Variants in GRM4 observed in about 807,000 individuals in gnomAD.
The protein encoded by GRM4 is metabotropic glutamate receptor 4.
In GRM4, 28 loss-of-function variants were observed where a neutral mutation model predicts 81.7. The observed-to-expected ratio is 0.34, with a 90% confidence interval of 0.25 to 0.47. GRM4 has a LOEUF of 0.47. GRM4 is among the 20% of genes least tolerant of loss of function. The probability of loss-of-function intolerance (pLI) is 1.00; values close to 1 mark genes in which losing one functional copy is unlikely to be tolerated. For synonymous variants in GRM4, 488 were observed against 528.8 expected (o/e 0.92, Z 1.06); for missense variants, 948 against 1,290.0 (o/e 0.73, Z 4.06).
chr6:34,155,181 C>T lies in GRM4; in HGVS notation c.210G>A (p.Val70=), dbSNP rs533890299. ...CCTCGGATTCGTGCGCGGCCAGGCT[C>T]ACCTGCTCTCCTGGCAGGGAGGGGC... is the stretch of plus-strand genomic sequence containing the variant. Residue 70 remains valine, a synonymous_variant, in exon 1 of 9, where the codon GTG becomes GTA. Transcript: ENST00000374177. 126 of 1,535,656 alleles carry T rather than the reference C, an allele frequency of 8.2e-5. 4 individuals carry two copies. In the South Asian group the frequency reaches 1.3e-3, roughly 16 times the overall value.
Position 34,042,326 on chromosome 6 carries a change from C to G in GRM4, c.1169-1578G>C, listed in dbSNP as rs1405257289. The stretch of plus-strand genomic sequence containing the variant: ...AGTAACATTCCACGACTATGAAAAG[C>G]TGATGTGAACCCAGGTACTCCAACT... On this transcript the variant is annotated intron_variant, in intron 6 of 10. Transcript: ENST00000538487. The surrounding 1 kb of genome is among the most constrained non-coding windows in gnomAD (Gnocchi z 4.2). 6.6e-6 allele frequency among the ~76,000 whole-genome samples: 1 copy of G among 152,164 alleles called. No homozygotes were observed. Among genetic ancestry groups the G allele is most frequent in the East Asian group, 1.9e-4 (1 of 5,188 alleles).
intron 9 of GRM4, among the ~76,000 whole-genome samples, chr6:34,029,037 C>T (rs1177517431): frequency 6.6e-6 from 1 of 152,204 alleles, no homozygotes; most frequent in Admixed American, 6.5e-5. Flanking sequence ...ATCTGGGTGT[C>T]GGATAATCCA....
chr6:34,096,823 C>T (rs1581691281), intron 2 of GRM4, among the ~76,000 whole-genome samples: 1 of 152,210 alleles, frequency 6.6e-6, no homozygotes, highest in Non-Finnish European at 1.5e-5. Context: ...TCTCTGGCTT[C>T]TAGAGTGACA....
chr6:34,131,144 C>T (rs956280453), intron 2 of GRM4, among the ~76,000 whole-genome samples: 4 of 152,238 alleles, frequency 2.6e-5, no homozygotes, highest in African/African-American at 7.2e-5. Flanking sequence ...AAACTGGGTG[C>T]GGTGGGAGGA....
At chr6:34,071,824 CAG>C (rs1766889291) in intron 3 of GRM4, among the ~76,000 whole-genome samples, 1 of 142,550 alleles carries the variant, frequency 7.0e-6, no homozygotes, top group African/African-American at 2.5e-5. Flanking sequence ...ACACCACACA[CAG>C]ACAGCACCAC....
intron 8 of GRM4, among the ~76,000 whole-genome samples, chr6:34,039,543 C>T (rs1764893369): frequency 6.6e-6 from 1 of 152,224 alleles, no homozygotes; most frequent in Admixed American, 6.5e-5. Flanking sequence ...TCTCCGAAAA[C>T]ACTGCTCTGT....
rs567729250 is a variant in GRM4 at position 34,034,498 on chromosome 6, T to C, written c.2442+1170A>G. Among the ~76,000 whole-genome samples, 18 of 152,320 alleles carry C rather than the reference T, an allele frequency of 1.2e-4. No homozygotes were observed. In the South Asian group the frequency reaches 3.5e-3, roughly 30 times the overall value. ...AGGGTCCTTTTCAACCTACATCAGA[T>C]AGCACCCTCACCTGCTCAGAAGCCT... On this transcript the variant is annotated intron_variant, in intron 9 of 10. Transcript: ENST00000538487. This position sits in a 1 kb window ranked among gnomAD's most constrained non-coding sequence, Gnocchi z 4.0.
Position 34,113,403 on chromosome 6 carries a change from C to T in GRM4, c.519+19575G>A, listed in dbSNP as rs547865645. Among the ~76,000 whole-genome samples the T allele has an allele frequency of 1.7e-3, 264 of 152,338 alleles. 1 individual carries two copies. The highest frequency in any genetic ancestry group is 6.9e-3 in the South Asian group (33 of 4,816). On this transcript the variant is annotated intron_variant, in intron 2 of 10. Transcript: ENST00000538487. The stretch of plus-strand genomic sequence containing the variant: ...CTGGGCTCAAGTGATTCTCCCACCT[C>T]GGGATTACAGGCCTGAGCCACCATG...
rs1429060255 is a variant in GRM4, at chr6:34,115,732, G to A, written c.519+17246C>T. Among the ~76,000 whole-genome samples the A allele has an allele frequency of 1.3e-5, 2 of 152,152 alleles. No individual in the cohort carries two copies. Among genetic ancestry groups the A allele is most frequent in the Non-Finnish European group, 2.9e-5 (2 of 68,028 alleles). ...AGCCCTCCCTAAATAACTGTGCAGC[G>A]CGAGGCTGGAGGAGGAGTTCGAGGT... is the stretch of plus-strand genomic sequence containing the variant. On this transcript the variant is annotated intron_variant, in intron 2 of 10. Transcript: ENST00000538487. This position sits in a 1 kb window ranked among gnomAD's most constrained non-coding sequence, Gnocchi z 4.1.
At chr6:34,109,295 A>T (rs1769266829) in intron 2 of GRM4, among the ~76,000 whole-genome samples, 1 of 152,196 alleles carries the variant, frequency 6.6e-6, no homozygotes, top group South Asian at 2.1e-4. Flanking sequence ...CCACTCTGAG[A>T]GGGAAGCCCC....
In GRM4 at chr6:34,078,322, C is replaced by G. The variant is rs899533736; in HGVS notation, c.736+13561G>C. 2.0e-5 allele frequency among the ~76,000 whole-genome samples: 3 copies of G among 152,140 alleles called. No individual in the cohort carries two copies. Among genetic ancestry groups the G allele is most frequent in the Admixed American group, 1.3e-4 (2 of 15,276 alleles). On this transcript the variant is annotated intron_variant, in intron 3 of 10. Transcript: ENST00000538487. The surrounding 1 kb of genome is among the most constrained non-coding windows in gnomAD (Gnocchi z 4.8). ...ACTCTCTTCGATCATTGCACAGCCC[C>G]TCATGTTCACACAGCACTCCCAGTA...
chr6:34,022,475 G>C lies in GRM4; in HGVS notation c.*346C>G, dbSNP rs1763924483. 1 of 332,486 alleles carries C rather than the reference G, an allele frequency of 3.0e-6. No individual in the cohort carries two copies. Among genetic ancestry groups the C allele is most frequent in the African/African-American group, 2.1e-5 (1 of 47,318 alleles). 20.6% of individuals were successfully genotyped at this position (332,486 alleles called of 1,614,324 possible). A position where few individuals can be genotyped will look rare whatever the true frequency, so the allele number is the denominator to read the frequency against. ...AGAAAGACAGGGCTGGAGACAGACA[G>C]AGGGGTCGCCAACAGCACAGACAGA... On this transcript the variant is annotated 3_prime_UTR_variant, in exon 11 of 11. Coordinates refer to ENST00000538487, the MANE Select transcript of GRM4 (RefSeq NM_000841.4). The surrounding 1 kb of genome is among the most constrained non-coding windows in gnomAD (Gnocchi z 5.6).
In GRM4 at chr6:34,035,947, G is replaced by A. The variant is rs759465838; in HGVS notation, c.2163C>T (p.Asp721=). The A allele has an allele frequency of 2.5e-6, 4 of 1,612,680 alleles. No individual in the cohort carries two copies. Among genetic ancestry groups the A allele is most frequent in the Non-Finnish European group, 3.4e-6 (4 of 1,178,826 alleles). ...GGAAGTCCACCACCGAGTGGGAGGGGTCCACCACAAACCACACACAGATGC... is the reference window on the plus strand; with the variant it reads ...GGAAGTCCACCACCGAGTGGGAGGGATCCACCACAAACCACACACAGATGC... ...LLGICVWFVV[D]PSHSVVDFQD... Residue 721 remains aspartate (D), a synonymous_variant, in exon 9 of 11, where the codon GAC becomes GAT. Transcript: ENST00000538487. The surrounding 1 kb of genome is among the most constrained non-coding windows in gnomAD (Gnocchi z 6.6).
At position 34,114,285 on chromosome 6, in the gene GRM4, T is replaced by TCAGCC. The variant is rs888745635; in HGVS notation, c.519+18688_519+18692dup. Among the ~76,000 whole-genome samples the TCAGCC allele has an allele frequency of 9.2e-5, 14 of 152,322 alleles. No homozygotes were observed. Among genetic ancestry groups the TCAGCC allele is most frequent in the African/African-American group, 3.4e-4 (14 of 41,574 alleles). ...GCATTTGGCTCACTCTGCTGCATTC[T>TCAGCC]CAGCCCAACCCAACATCTGCTACTA... On this transcript the variant is annotated intron_variant, in intron 2 of 10. Transcript: ENST00000538487. This position sits in a 1 kb window ranked among gnomAD's most constrained non-coding sequence, Gnocchi z 4.3.
chr6:34,107,644 C>T (rs958931456), intron 2 of GRM4, among the ~76,000 whole-genome samples: 1 of 152,146 alleles, frequency 6.6e-6, no homozygotes, highest in Non-Finnish European at 1.5e-5. Context: ...GGGAGGGAAG[C>T]ACATCCCAGA....
intron 6 of GRM4, among the ~76,000 whole-genome samples, chr6:34,049,674 C>G (rs1374448557): frequency 6.6e-6 from 1 of 152,116 alleles, no homozygotes; most frequent in Non-Finnish European, 1.5e-5. Flanking sequence ...CATCGTAGTG[C>G]GTGGCCATTT....
intron 2 of GRM4, among the ~76,000 whole-genome samples, chr6:34,125,355 G>A (rs947878250): frequency 1.4e-4 from 21 of 151,772 alleles, no homozygotes; most frequent in African/African-American, 4.8e-4. Context: ...GTTCCCCTCG[G>A]AGGAAGCAGG....
At chr6:34,085,930 G>C (rs1767862278) in intron 3 of GRM4, among the ~76,000 whole-genome samples, 1 of 152,186 alleles carries the variant, frequency 6.6e-6, no homozygotes, top group Admixed American at 6.5e-5. Context: ...GGACATGCAG[G>C]AGAAGCTTTC....
At chr6:34,155,422 C>G in exon 1 of GRM4, 3 of 1,412,352 alleles carry the variant, frequency 2.1e-6, no homozygotes, top group Non-Finnish European at 2.8e-6. Flanking sequence ...TGAGCTCCCT[C>G]TGTGTGACAG....
Sources: allele counts gnomAD v4.1 joint callset (sites outside exome capture counted in the v4.1 genomes callset), GRCh38; gene constraint gnomAD v4.1.1; non-coding constraint Gnocchi (gnomAD v3.1); transcripts MANE v1.5; gene names NCBI Gene and HGNC (gene_info 2026-07-23, HGNC 2026-07-21).